Variants in C12orf60 observed in about 807,000 individuals in gnomAD.
C12orf60 encodes the protein uncharacterized protein C12orf60.
For synonymous variants in C12orf60, 102 were observed against 94.6 expected (o/e 1.08, Z -0.45); for missense variants, 284 against 283.2 (o/e 1.00, Z -0.02).
chr12:14,806,145 A>G, intron 1 of C12orf60: 1 of 1,614,150 alleles, frequency 6.2e-7, no homozygotes, highest in Non-Finnish European at 8.5e-7. Context: ...TGCTCCCAGG[A>G]TGGCACGGAC....
At position 14,823,189 on chromosome 12, in the gene C12orf60, C is replaced by T; in HGVS notation, c.254C>T (p.Ser85Phe). The T allele has an allele frequency of 6.2e-7, 1 of 1,614,090 alleles. No individual in the cohort carries two copies. The highest frequency in any genetic ancestry group is 8.5e-7 in the Non-Finnish European group (1 of 1,180,020). The stretch of plus-strand genomic sequence containing the variant: ...AGACATGACAAAATTCAAAAGGAGT[C>T]TTTATGTTCCAAGGTTGCAATGGCC... ...DARHDKIQKE[S>F]LCSKVAMAMC... Residue 85 changes from serine to phenylalanine, a missense_variant, in exon 2 of 2, where the codon TCT becomes TTT. Coordinates refer to ENST00000330828, the MANE Select transcript of C12orf60 (RefSeq NM_175874.4).
At chr12:14,812,271 C>T (rs1044575701) in intron 1 of C12orf60, among the ~76,000 whole-genome samples, 3 of 152,096 alleles carry the variant, frequency 2.0e-5, no homozygotes, top group African/African-American at 7.2e-5. Flanking sequence ...GGTGAAACCC[C>T]GTCTCTACTA....
At chr12:14,819,643 G>C (rs1450225345) in intron 1 of C12orf60, among the ~76,000 whole-genome samples, 1 of 152,074 alleles carries the variant, frequency 6.6e-6, no homozygotes, top group Admixed American at 6.5e-5. Context: ...GTGGTTCTTT[G>C]TAAGAGCCCT....
chr12:14,812,730 G>T (rs1239356284), intron 1 of C12orf60, among the ~76,000 whole-genome samples: 4 of 151,710 alleles, frequency 2.6e-5, no homozygotes, highest in South Asian at 2.1e-4. Context: ...TTTATAGCAG[G>T]ATACTGGGTA....
intron 1 of C12orf60, among the ~76,000 whole-genome samples, chr12:14,821,251 TTAGTATCC>T (rs1367509192): frequency 5.9e-5 from 9 of 152,220 alleles, no homozygotes; most frequent in African/African-American, 2.2e-4. Flanking sequence ...AAAATCTGAA[TTAGTATCC>T]TAGGGCTGCT....
At chr12:14,808,453 C>A (rs977261509) in intron 1 of C12orf60, among the ~76,000 whole-genome samples, 1 of 151,984 alleles carries the variant, frequency 6.6e-6, no homozygotes, top group African/African-American at 2.4e-5. Flanking sequence ...TCTGGCACAG[C>A]CTCTTTTTGA....
Position 14,823,493 on chromosome 12 carries a change from CA to C in C12orf60, c.559del (p.Thr187ProfsTer2), listed in dbSNP as rs1375821365. Reference sequence around the variant, plus strand: ...GTTCTTCCAAAACCACTATGATAGACACCTTGAAAAAACTGCAGGATGTACT... The same window carrying C: ...GTTCTTCCAAAACCACTATGATAGACCCTTGAAAAAACTGCAGGATGTACT... ...PGSSKTTMID[T>X]LKKLQDVLKT... On this transcript the variant is annotated frameshift_variant, in exon 2 of 2. Coordinates refer to ENST00000330828, the MANE Select transcript of C12orf60 (RefSeq NM_175874.4). LOFTEE classifies it low-confidence loss of function (END_TRUNC). 6.2e-7 allele frequency: 1 copy of C among 1,612,754 alleles called. No homozygotes were observed. The highest frequency in any genetic ancestry group is 8.5e-7 in the Non-Finnish European group (1 of 1,179,700).
intron 1 of C12orf60, among the ~76,000 whole-genome samples, chr12:14,806,913 C>A (rs1352522968): frequency 6.6e-6 from 1 of 152,130 alleles, no homozygotes; most frequent in African/African-American, 2.4e-5. Context: ...CTCACTGCAA[C>A]CTCTGCCTCC....
At chr12:14,816,746 C>CTTTTTTTTTTTTTT (rs11430871) in intron 1 of C12orf60, among the ~76,000 whole-genome samples, 1 of 138,034 alleles carries the variant, frequency 7.2e-6, no homozygotes, top group Non-Finnish European at 1.6e-5. Context: ...TATATTTTCT[C>CTTTTTTTTTTTTTT]TTTTTTTTTT....
At chr12:14,811,350 G>A (rs1031350260) in intron 1 of C12orf60, among the ~76,000 whole-genome samples, 2 of 152,082 alleles carry the variant, frequency 1.3e-5, no homozygotes, top group South Asian at 4.1e-4. Context: ...TTGCTGGACT[G>A]GAGCAGCTGT....
At chr12:14,812,525 T>A (rs1217662038) in intron 1 of C12orf60, among the ~76,000 whole-genome samples, 1 of 152,208 alleles carries the variant, frequency 6.6e-6, no homozygotes, top group Non-Finnish European at 1.5e-5. Flanking sequence ...TGTTTCACTA[T>A]CACTAATATT....
At chr12:14,818,343 T>C (rs540045481) in intron 1 of C12orf60, among the ~76,000 whole-genome samples, 1 of 152,360 alleles carries the variant, frequency 6.6e-6, no homozygotes, top group South Asian at 2.1e-4. Flanking sequence ...TTTGTCAATT[T>C]TGGCTTTTGT....
intron 1 of C12orf60, among the ~76,000 whole-genome samples, chr12:14,809,660 A>T (rs2137261035): frequency 6.6e-6 from 1 of 152,302 alleles, no homozygotes; most frequent in South Asian, 2.1e-4. Flanking sequence ...GCTAGAAGAA[A>T]ATGGATAATT....
At chr12:14,811,839 T>A (rs1211839815) in intron 1 of C12orf60, among the ~76,000 whole-genome samples, 1 of 152,220 alleles carries the variant, frequency 6.6e-6, no homozygotes, top group African/African-American at 2.4e-5. Context: ...TAGAAATTAA[T>A]ATCAAGGTGA....
rs137943124 is a variant in C12orf60, at chr12:14,809,715, T to TA, written c.-25+5973dup. ...TGGGACTTTATAAGCCTAAAACCAA[T>TA]AAAAAAAAAGCACATGCAAAAATTT... On this transcript the variant is annotated intron_variant, in intron 1 of 1. Transcript: ENST00000330828. Among the ~76,000 whole-genome samples, 715 of 148,832 alleles carry TA rather than the reference T, an allele frequency of 4.8e-3. 4 individuals carry two copies. Among genetic ancestry groups the TA allele is most frequent in the African/African-American group, 0.017 (678 of 40,534 alleles).
rs753039365 is a variant in C12orf60 at position 14,806,261 on chromosome 12, G to A, written c.-25+2510G>A. ...CCAACTTGTTAATTATGCCAGTTGTGACATTTGAGCCCACAAGTTTAACAG... is the reference window on the plus strand; with the variant it reads ...CCAACTTGTTAATTATGCCAGTTGTAACATTTGAGCCCACAAGTTTAACAG... On this transcript the variant is annotated intron_variant, in intron 1 of 1. Transcript: ENST00000330828. 4 of 1,614,218 alleles carry A rather than the reference G, an allele frequency of 2.5e-6. No homozygotes were observed. In the South Asian group the frequency reaches 3.3e-5, roughly 13 times the overall value.
At chr12:14,812,962 T>A (rs969054831) in intron 1 of C12orf60, among the ~76,000 whole-genome samples, 1 of 152,176 alleles carries the variant, frequency 6.6e-6, no homozygotes, top group African/African-American at 2.4e-5. Context: ...AGTTCTTGCC[T>A]ATTTGGAAAT....
intron 1 of C12orf60, among the ~76,000 whole-genome samples, chr12:14,820,050 A>G (rs1950281669): frequency 1.3e-5 from 2 of 152,084 alleles, no homozygotes; most frequent in Non-Finnish European, 2.9e-5. Flanking sequence ...TTTAAGAAAT[A>G]TAGGTTTATT....
chr12:14,819,110 A>C (rs1438214549), intron 1 of C12orf60, among the ~76,000 whole-genome samples: 1 of 152,162 alleles, frequency 6.6e-6, no homozygotes, highest in African/African-American at 2.4e-5. Flanking sequence ...CTTCCAATCC[A>C]TGGACAGAGT....
Sources: gnomAD v4.1 joint callset for allele counts (sites outside exome capture counted in the v4.1 genomes callset) on GRCh38, gnomAD v4.1.1 for gene constraint, MANE v1.5 for transcripts, NCBI Gene and HGNC (gene_info 2026-07-23, HGNC 2026-07-21) for gene names.